The following RNF126 variants were observed in gnomAD, a reference collection of about 807,000 sequenced individuals.
RNF126 encodes the protein ring finger protein 126.
RNF126 carries 20 observed loss-of-function variants against 41.9 expected under a neutral mutation model. The ratio of observed to expected loss-of-function variants is 0.48; its 90% CI spans 0.34 to 0.69. The LOEUF (loss-of-function observed/expected upper bound fraction) is 0.69, where lower values mean the gene tolerates loss of function less well. Ranked by LOEUF, RNF126 falls within the 30% of genes least tolerant of loss-of-function variation. The probability of loss-of-function intolerance (pLI) is 0.01; values close to 1 mark genes in which losing one functional copy is unlikely to be tolerated. For missense variants in RNF126, 433 were observed against 460.6 expected (o/e 0.94, Z 0.55); for synonymous variants, 239 against 202.9 (o/e 1.18, Z -1.51).
chr19:647,676 G>T lies in RNF126; in HGVS notation c.*452C>A. 4.9e-6 allele frequency: 1 copy of T among 202,272 alleles called. No individual in the cohort carries two copies. 12.5% of individuals were successfully genotyped at this position (202,272 alleles called of 1,614,324 possible). Reference sequence around the variant, plus strand: ...TACTCCGGGTCGTGGAGGCGGCCGAGGGGGAGGCTGGGGGCCCACGTGGCC... The same window carrying T: ...TACTCCGGGTCGTGGAGGCGGCCGATGGGGAGGCTGGGGGCCCACGTGGCC... On this transcript the variant is annotated 3_prime_UTR_variant, in exon 9 of 9. Coordinates refer to ENST00000292363, the MANE Select transcript of RNF126 (RefSeq NM_194460.3).
intron 1 of RNF126, among the ~76,000 whole-genome samples, chr19:653,698 G>C (rs969720799): frequency 6.6e-6 from 1 of 152,102 alleles, no homozygotes; most frequent in Non-Finnish European, 1.5e-5. Context: ...GGCCTCACCA[G>C]GGGCTGGGCA....
Position 659,119 on chromosome 19 carries a change from C to T in RNF126, c.75+3928G>A, listed in dbSNP as rs1003849592. On this transcript the variant is annotated intron_variant, in intron 1 of 8. Coordinates refer to ENST00000292363, the MANE Select transcript of RNF126 (RefSeq NM_194460.3). The surrounding 1 kb of genome is among the most constrained non-coding windows in gnomAD (Gnocchi z 4.9). The stretch of plus-strand genomic sequence containing the variant: ...GAGCCGCTCCAGGGTGCTGGCCGGA[C>T]GCTTGAGAGGCAGGGGCAGGCTGTC... Among the ~76,000 whole-genome samples the T allele has an allele frequency of 2.0e-5, 3 of 152,172 alleles. No individual in the cohort carries two copies. The highest frequency in any genetic ancestry group is 4.1e-4 in the South Asian group (2 of 4,830).
In RNF126 at chr19:648,040, G is replaced by T. The variant is rs1444994843; in HGVS notation, c.*88C>A. 7.9e-6 allele frequency: 11 copies of T among 1,399,010 alleles called. No individual in the cohort carries two copies. The highest frequency in any genetic ancestry group is 1.0e-5 in the Non-Finnish European group (11 of 1,058,290). 86.7% of individuals were successfully genotyped at this position (1,399,010 alleles called of 1,614,324 possible). Reference sequence around the variant, plus strand: ...GCGCTGACCAGCCAAGCGTGGCGCCGCCGGGGCACCCAGTCTGTGGGTGCC... The same window carrying T: ...GCGCTGACCAGCCAAGCGTGGCGCCTCCGGGGCACCCAGTCTGTGGGTGCC... On this transcript the variant is annotated 3_prime_UTR_variant, in exon 9 of 9. Coordinates refer to ENST00000292363, the MANE Select transcript of RNF126 (RefSeq NM_194460.3).
At chr19:650,356 G>C (rs2144757740) in intron 4 of RNF126, 60 bp from the exon 5 acceptor site, 1 of 1,481,104 alleles carries the variant, frequency 6.8e-7, no homozygotes, top group Non-Finnish European at 9.2e-7. Flanking sequence ...GAGGCGCCAG[G>C]CCTGCCAGGT....
At chr19:660,535 T>A (rs1439274778) in intron 1 of RNF126, among the ~76,000 whole-genome samples, 3 of 152,238 alleles carry the variant, frequency 2.0e-5, no homozygotes, top group Non-Finnish European at 4.4e-5. Context: ...ACGCCCCGTT[T>A]CGAGGGCACT....
intron 1 of RNF126, among the ~76,000 whole-genome samples, chr19:660,953 G>A (rs1230326108): frequency 3.9e-5 from 6 of 152,232 alleles, no homozygotes; most frequent in Non-Finnish European, 1.5e-5. Flanking sequence ...GCAGGCCCCC[G>A]CAGCCCTCTC....
Position 648,364 on chromosome 19 carries a change from G to GCCCCCCCCCCC in RNF126, c.786+7_786+8insGGGGGGGGGGG. 1 of 510,460 alleles carries GCCCCCCCCCCC rather than the reference G, an allele frequency of 2.0e-6. No individual in the cohort carries two copies. Among genetic ancestry groups the GCCCCCCCCCCC allele is most frequent in the Non-Finnish European group, 3.6e-6 (1 of 278,326 alleles). 31.6% of individuals were successfully genotyped at this position (510,460 alleles called of 1,614,324 possible). A position where few individuals can be genotyped will look rare whatever the true frequency, so the allele number is the denominator to read the frequency against. ...CGGGGTGGGGGGGCGGGTGGGCGGG[G>GCCCCCCCCCCC]CACTCACCTGCTCCAGCCAGGGCAC... is the stretch of plus-strand genomic sequence containing the variant. On this transcript the variant is annotated splice_region_variant and intron_variant, in intron 8 of 8. Coordinates refer to ENST00000292363, the MANE Select transcript of RNF126 (RefSeq NM_194460.3).
chr19:648,456 G>A lies in RNF126; in HGVS notation c.702C>T (p.Asp234=), dbSNP rs1484744606. The A allele has an allele frequency of 3.2e-5, 51 of 1,588,644 alleles. No homozygotes were observed. The highest frequency in any genetic ancestry group is 8.1e-5 in the African/African-American group (6 of 74,168). Residue 234 remains aspartate (D), a synonymous_variant, in exon 8 of 9, where the codon GAC becomes GAT. Transcript: ENST00000292363. ...GCACACGCTCACCCAGCGCGTAGTC[G>A]TCCTTGCACACAGGGCACTCGAGCC... ...GSGLECPVCK[D]DYALGERVRQ... is the part of the protein sequence containing the mutation.
chr19:654,525 C>A (rs972641919), intron 1 of RNF126, among the ~76,000 whole-genome samples: 1 of 150,828 alleles, frequency 6.6e-6, no homozygotes, highest in Non-Finnish European at 1.5e-5. Flanking sequence ...CGCCTGTAAT[C>A]CCAGCTACTT....
chr19:654,259 T>C (rs758586401), intron 1 of RNF126, among the ~76,000 whole-genome samples: 4 of 152,082 alleles, frequency 2.6e-5, no homozygotes, highest in Non-Finnish European at 5.9e-5. Context: ...AGAGGCACCA[T>C]CTACAATATA....
At chr19:661,772 G>T (rs1600645399) in intron 1 of RNF126, among the ~76,000 whole-genome samples, 2 of 152,154 alleles carry the variant, frequency 1.3e-5, no homozygotes, top group South Asian at 4.1e-4. Context: ...CAACAGCCGG[G>T]CGGCTACGTA....
Position 663,109 on chromosome 19 carries a change from A to G in RNF126, c.13T>C (p.Ser5Pro). 7.5e-7 allele frequency: 1 copy of G among 1,328,158 alleles called. No individual in the cohort carries two copies. Among genetic ancestry groups the G allele is most frequent in the East Asian group, 3.4e-5 (1 of 29,508 alleles). The allele number at this position is 1,328,158 out of a possible 1,614,324, so 82.3% of individuals were successfully genotyped here. Reference sequence around the variant, plus strand: ...CAGAAGTACCGTCCGGGATGCGGCGACGCCTCGGCCATGGCCGCCGCCACC... The same window carrying G: ...CAGAAGTACCGTCCGGGATGCGGCGGCGCCTCGGCCATGGCCGCCGCCACC... Reference protein sequence around the residue: MAEASPHPGRYFCHC... With the variant: MAEAPPHPGRYFCHC... The change falls in exon 1 of 9, where the codon TCG (serine) becomes CCG (proline). Residue 5 changes from serine (S) to proline (P), a missense_variant. Physicochemically the swap from Ser to Pro is moderately conservative, Grantham distance 74. Transcript: ENST00000292363.
rs373686703 is a variant in RNF126, at chr19:648,324, C to T, written c.787-47G>A. ...GACGGGAGAAGGGGCAGGTTAGAGG[C>T]GGGAGGGCCGCGGTCGGGGTGGGGG... On this transcript the variant is annotated intron_variant, in intron 8 of 8. Coordinates refer to ENST00000292363, the MANE Select transcript of RNF126 (RefSeq NM_194460.3). 1.2e-4 allele frequency: 79 copies of T among 678,938 alleles called. No homozygotes were observed. In the African/African-American group the frequency reaches 1.8e-3, roughly 15 times the overall value. 42.1% of individuals were successfully genotyped at this position (678,938 alleles called of 1,614,324 possible). A position where few individuals can be genotyped will look rare whatever the true frequency, so the allele number is the denominator to read the frequency against.
chr19:652,314 GTCA>G lies in RNF126; in HGVS notation c.135-21_135-19del. 6.4e-7 allele frequency: 1 copy of G among 1,552,424 alleles called. No homozygotes were observed. Among genetic ancestry groups the G allele is most frequent in the South Asian group, 1.2e-5 (1 of 82,330 alleles). On this transcript the variant is annotated intron_variant, in intron 2 of 8. Transcript: ENST00000292363. ...CTGTGCTCCTGGGGAGAGAGTGCAG[GTCA>G]GCAGTGCCGGCTACCCTGTGCCCCC...
chr19:652,988 G>C, intron 1 of RNF126, 104 bp from the exon 2 acceptor site: 1 of 1,130,932 alleles, frequency 8.8e-7, no homozygotes, highest in Non-Finnish European at 1.3e-6. Context: ...GTCTCTGGCT[G>C]GCCAGGCACA....
At position 648,343 on chromosome 19, in the gene RNF126, G is replaced by A. The variant is rs1052676374; in HGVS notation, c.786+29C>T. 4.1e-6 allele frequency: 3 copies of A among 739,510 alleles called. No individual in the cohort carries two copies. In the South Asian group the frequency reaches 4.4e-5, roughly 11 times the overall value. 45.8% of individuals were successfully genotyped at this position (739,510 alleles called of 1,614,324 possible). A position where few individuals can be genotyped will look rare whatever the true frequency, so the allele number is the denominator to read the frequency against. On this transcript the variant is annotated intron_variant, in intron 8 of 8. Coordinates refer to ENST00000292363, the MANE Select transcript of RNF126 (RefSeq NM_194460.3). ...TAGAGGCGGGAGGGCCGCGGTCGGG[G>A]TGGGGGGGCGGGTGGGCGGGGCACT... is the stretch of plus-strand genomic sequence containing the variant.
At chr19:654,281 G>C (rs1367157566) in intron 1 of RNF126, among the ~76,000 whole-genome samples, 1 of 152,238 alleles carries the variant, frequency 6.6e-6, no homozygotes, top group Admixed American at 6.5e-5. Flanking sequence ...AAAAAGTGCG[G>C]CCCGGCTCCT....
chr19:656,717 G>C (rs1398489748), intron 1 of RNF126, among the ~76,000 whole-genome samples: 1 of 152,096 alleles, frequency 6.6e-6, no homozygotes, highest in East Asian at 2.0e-4. Context: ...CCTGAGCTTA[G>C]TGTGGGAGCA....
chr19:662,575 T>C (rs571680044), intron 1 of RNF126, among the ~76,000 whole-genome samples: 2 of 151,654 alleles, frequency 1.3e-5, no homozygotes, highest in African/African-American at 4.8e-5. Context: ...AACCACGCGC[T>C]CGGCGGGGGT....
Sources: allele counts gnomAD v4.1 joint callset (sites outside exome capture counted in the v4.1 genomes callset), GRCh38; gene constraint gnomAD v4.1.1; non-coding constraint Gnocchi (gnomAD v3.1); transcripts MANE v1.5; gene names NCBI Gene and HGNC (gene_info 2026-07-23, HGNC 2026-07-21).